The following SPECC1 variants were observed in gnomAD, a reference collection of about 807,000 sequenced individuals.
SPECC1 encodes the protein sperm antigen with calponin homology and coiled-coil domains 1.
Under a neutral mutation model 104.1 loss-of-function variants are expected in SPECC1, and 62 were observed. The observed-to-expected ratio is 0.60, with a 90% confidence interval of 0.49 to 0.74. The LOEUF is 0.74. Among genes scored for constraint, SPECC1 ranks in the 30% least tolerant of loss-of-function variants. The pLI, the probability that SPECC1 is intolerant of heterozygous loss-of-function variation, is 0.00. For synonymous variants in SPECC1, 513 were observed against 501.6 expected, an observed-to-expected ratio of 1.02 and a Z score of -0.30; for missense variants, 1,306 against 1,310.5, an observed-to-expected ratio of 1.00 and a Z score of 0.05.
intron 3 of SPECC1, among the ~76,000 whole-genome samples, chr17:20,123,025 T>A (rs1220329397): frequency 6.6e-6 from 1 of 152,138 alleles, no homozygotes; most frequent in Non-Finnish European, 1.5e-5. Flanking sequence ...ATTCTCCTGA[T>A]GGATTGTAAA....
chr17:20,167,214 C>T (rs2151161318), intron 3 of SPECC1, among the ~76,000 whole-genome samples: 1 of 146,550 alleles, frequency 6.8e-6, no homozygotes, highest in South Asian at 2.1e-4. Flanking sequence ...TATATATATA[C>T]TATATATATA....
Position 20,277,656 on chromosome 17 carries a change from C to G in SPECC1, c.2940+17362C>G, listed in dbSNP as rs184999437. On this transcript the variant is annotated intron_variant, in intron 12 of 14. Coordinates refer to ENST00000395527, the MANE Select transcript of SPECC1 (RefSeq NM_001243439.2). ...GAAGCACGTTCACATGGTTGTGCAA[C>G]CATCACTGCTTTCTATTTCCGAAAT... Among the ~76,000 whole-genome samples, 192 of 152,260 alleles carry G rather than the reference C, an allele frequency of 1.3e-3. 1 individual carries two copies. Among genetic ancestry groups the G allele is most frequent in the Non-Finnish European group, 2.3e-3 (158 of 68,022 alleles).
At chr17:20,104,161 T>C (rs2048075447) in intron 2 of SPECC1, among the ~76,000 whole-genome samples, 1 of 152,182 alleles carries the variant, frequency 6.6e-6, no homozygotes, top group Non-Finnish European at 1.5e-5. Flanking sequence ...CCCTTAATGG[T>C]GCAGTTTTTC....
intron 1 of SPECC1, among the ~76,000 whole-genome samples, chr17:20,028,600 C>G (rs1202025462): frequency 6.6e-6 from 1 of 152,136 alleles, no homozygotes; most frequent in Non-Finnish European, 1.5e-5. Context: ...ACCACACAGT[C>G]TTGATTACTG....
chr17:20,167,943 CAA>C (rs1316391230), intron 3 of SPECC1, among the ~76,000 whole-genome samples: 5 of 151,886 alleles, frequency 3.3e-5, no homozygotes, highest in African/African-American at 4.8e-5. Flanking sequence ...CAGGTTAAGT[CAA>C]AGAAGAAATT....
intron 3 of SPECC1, among the ~76,000 whole-genome samples, chr17:20,186,874 A>G (rs1445352601): frequency 6.6e-6 from 1 of 152,018 alleles, no homozygotes; most frequent in African/African-American, 2.4e-5. Context: ...GAGCCTGGCC[A>G]ATTTTTGTTT....
intron 3 of SPECC1, among the ~76,000 whole-genome samples, chr17:20,114,831 G>A (rs577209822): frequency 6.6e-6 from 1 of 152,206 alleles, no homozygotes; most frequent in Non-Finnish European, 1.5e-5. Context: ...ACCTTTACAA[G>A]TGAAGGAAAG....
intron 3 of SPECC1, among the ~76,000 whole-genome samples, chr17:20,160,812 A>G (rs1206235352): frequency 6.6e-6 from 1 of 152,198 alleles, no homozygotes; most frequent in Non-Finnish European, 1.5e-5. Context: ...CTCTACTACT[A>G]ACCTGCACTA....
chr17:20,288,701 G>A (rs1327659451), intron 12 of SPECC1, among the ~76,000 whole-genome samples: 1 of 151,370 alleles, frequency 6.6e-6, no homozygotes, highest in Non-Finnish European at 1.5e-5. Flanking sequence ...AGAAAAAGAG[G>A]ATTAATTGGA....
chr17:20,287,418 C>T (rs549052912), intron 12 of SPECC1, among the ~76,000 whole-genome samples: 10 of 103,856 alleles, frequency 9.6e-5, no homozygotes, highest in East Asian at 2.6e-4. Context: ...AGCGAGACTC[C>T]GTCTCAAAAA....
At chr17:20,018,589 GC>G (rs1260576339) in intron 1 of SPECC1, among the ~76,000 whole-genome samples, 5 of 152,188 alleles carry the variant, frequency 3.3e-5, no homozygotes, top group Admixed American at 3.3e-4. Context: ...TGTGTTGGGG[GC>G]CCCCAGGACC....
intron 3 of SPECC1, among the ~76,000 whole-genome samples, chr17:20,186,523 G>GTATA (rs754729410): frequency 2.0e-5 from 3 of 152,168 alleles, no homozygotes; most frequent in Non-Finnish European, 4.4e-5. Context: ...TGTGTCTCAT[G>GTATA]TATACTAAAA....
intron 1 of SPECC1, among the ~76,000 whole-genome samples, chr17:20,052,892 C>G (rs2045827670): frequency 6.6e-6 from 1 of 152,200 alleles, no homozygotes; most frequent in Non-Finnish European, 1.5e-5. Context: ...GAGGTCACAT[C>G]TATATTCCTA....
intron 1 of SPECC1, among the ~76,000 whole-genome samples, chr17:20,053,093 G>C (rs2045835059): frequency 6.6e-6 from 1 of 152,062 alleles, no homozygotes. Flanking sequence ...ACCTCTCCCT[G>C]TCTACTGATT....
chr17:20,286,624 C>T (rs1455630655), intron 12 of SPECC1, among the ~76,000 whole-genome samples: 4 of 152,190 alleles, frequency 2.6e-5, no homozygotes, highest in African/African-American at 9.7e-5. Flanking sequence ...GTGCCTAGGA[C>T]TTGCCCGGCC....
At chr17:20,048,027 T>G (rs1201029903) in intron 1 of SPECC1, among the ~76,000 whole-genome samples, 1 of 152,188 alleles carries the variant, frequency 6.6e-6, no homozygotes, top group Non-Finnish European at 1.5e-5. Context: ...ACTCATCCGT[T>G]ACCTTCCTTC....
chr17:20,164,189 A>T (rs1327058138), intron 3 of SPECC1, among the ~76,000 whole-genome samples: 12 of 136,826 alleles, frequency 8.8e-5, no homozygotes, highest in African/African-American at 1.7e-4. Context: ...TTTTTTTTTT[A>T]AAGAGACAAA....
chr17:20,304,479 A>G (rs1413162706), intron 13 of SPECC1, among the ~76,000 whole-genome samples: 1 of 152,218 alleles, frequency 6.6e-6, no homozygotes, highest in Admixed American at 6.5e-5. Flanking sequence ...GAGAATAGCC[A>G]GGAAGAGTCC....
intron 1 of SPECC1, among the ~76,000 whole-genome samples, chr17:20,019,140 A>C (rs1419555759): frequency 6.6e-6 from 1 of 152,148 alleles, no homozygotes; most frequent in African/African-American, 2.4e-5. Context: ...ACTGTGGGAG[A>C]CCAAGGTGGG....
Sources: gnomAD v4.1 joint callset for allele counts (sites outside exome capture counted in the v4.1 genomes callset) on GRCh38, gnomAD v4.1.1 for gene constraint, MANE v1.5 for transcripts, NCBI Gene and HGNC (gene_info 2026-07-23, HGNC 2026-07-21) for gene names.